DLG2: variants seen among roughly 807,000 people sequenced by gnomAD.
DLG2 encodes the protein disks large homolog 2.
DLG2 carries 45 observed loss-of-function variants against 132.5 expected under a neutral mutation model. The observed-to-expected ratio is 0.34, with a 90% CI of 0.27 to 0.44. The LOEUF is 0.44. DLG2 is among the 20% of genes least tolerant of loss of function. The pLI is 1.00. For missense variants in DLG2, 1,045 were observed against 1,196.9 expected, an observed-to-expected ratio of 0.87 and a Z score of 1.87; for synonymous variants, 424 against 419.6, an observed-to-expected ratio of 1.01 and a Z score of -0.13.
intron 21 of DLG2, among the ~76,000 whole-genome samples, chr11:83,496,984 T>C (rs201167049): frequency 6.6e-6 from 1 of 152,236 alleles, no homozygotes; most frequent in East Asian, 1.9e-4. Context: ...CCCAATGTTG[T>C]CACAGTGAAT....
intron 18 of DLG2, among the ~76,000 whole-genome samples, chr11:83,760,017 G>A (rs1034295670): frequency 1.6e-4 from 24 of 152,162 alleles, no homozygotes; most frequent in Admixed American, 9.8e-4. Context: ...AAGGCAGAGA[G>A]GACATACTAA....
At chr11:84,742,526 T>C (rs558408255) in intron 6 of DLG2, among the ~76,000 whole-genome samples, 6 of 152,226 alleles carry the variant, frequency 3.9e-5, no homozygotes, top group African/African-American at 1.2e-4. Context: ...AACAACCAAA[T>C]TGAGAGAAAG....
intron 14 of DLG2, among the ~76,000 whole-genome samples, chr11:83,945,191 G>T (rs11233833): frequency 1.3e-5 from 2 of 152,154 alleles, no homozygotes; most frequent in African/African-American, 2.4e-5. Context: ...CTTCAGAATC[G>T]CTTGAACTCG....
At chr11:84,253,192 A>G (rs1302777725) in intron 7 of DLG2, among the ~76,000 whole-genome samples, 1 of 152,120 alleles carries the variant, frequency 6.6e-6, no homozygotes, top group Non-Finnish European at 1.5e-5. Flanking sequence ...AATAAGAGGC[A>G]TGTAGAGAAG....
Position 83,567,418 on chromosome 11 carries a change from C to CATGT in DLG2, c.1941-25564_1941-25561dup, listed in dbSNP as rs547687984. ...ATTGGGAACCTGGTTTTGCCTCTAC[C>CATGT]ATGTACTCATGGGAAGATGTTGGCC... is the stretch of plus-strand genomic sequence containing the variant. On this transcript the variant is annotated intron_variant, in intron 19 of 27. Transcript: ENST00000376104. 3.0e-4 allele frequency among the ~76,000 whole-genome samples: 46 copies of CATGT among 152,198 alleles called. No individual in the cohort carries two copies. The South Asian group carries it at 8.7e-3, about 29-fold the overall frequency.
chr11:84,029,491 G>A (rs2095632474), intron 11 of DLG2, among the ~76,000 whole-genome samples: 1 of 152,116 alleles, frequency 6.6e-6, no homozygotes, highest in Non-Finnish European at 1.5e-5. Context: ...TGGGTAGGAA[G>A]GGAGTGCACT....
intron 4 of DLG2, among the ~76,000 whole-genome samples, chr11:85,179,830 A>G (rs888639417): frequency 6.6e-6 from 1 of 151,928 alleles, no homozygotes; most frequent in Non-Finnish European, 1.5e-5. Flanking sequence ...AATACTTCCT[A>G]TTCTGCAAGT....
At chr11:84,778,560 A>G (rs959428854) in intron 6 of DLG2, among the ~76,000 whole-genome samples, 3 of 152,226 alleles carry the variant, frequency 2.0e-5, no homozygotes, top group Non-Finnish European at 4.4e-5. Context: ...TGTTAACAAT[A>G]TTAATTCTTC....
At chr11:83,653,370 C>T (rs941950534) in intron 18 of DLG2, among the ~76,000 whole-genome samples, 3 of 152,152 alleles carry the variant, frequency 2.0e-5, no homozygotes, top group African/African-American at 7.2e-5. Context: ...AGCAACAATC[C>T]CTCCTCCCTG....
intron 21 of DLG2, among the ~76,000 whole-genome samples, chr11:83,503,204 A>G (rs1034635351): frequency 4.0e-5 from 6 of 151,122 alleles, no homozygotes; most frequent in African/African-American, 1.5e-4. Context: ...CTAAATATTA[A>G]ATAGACCATT....
chr11:85,472,239 G>A (rs7108539), intron 3 of DLG2, among the ~76,000 whole-genome samples: 6,119 of 152,206 alleles, frequency 0.04, 390 homozygotes, highest in African/African-American at 0.14. Flanking sequence ...GCCACATGCT[G>A]GGACTACCTG....
At chr11:84,264,140 G>A (rs1438803749) in intron 7 of DLG2, among the ~76,000 whole-genome samples, 2 of 152,150 alleles carry the variant, frequency 1.3e-5, no homozygotes, top group African/African-American at 2.4e-5. Context: ...TAGAAACATA[G>A]AGGTTCACTA....
chr11:85,284,851 T>C (rs2078457126), intron 4 of DLG2, among the ~76,000 whole-genome samples: 1 of 151,874 alleles, frequency 6.6e-6, no homozygotes, highest in South Asian at 2.1e-4. Context: ...CCCCAGGATA[T>C]GTGCCCTTCC....
intron 7 of DLG2, among the ~76,000 whole-genome samples, chr11:84,342,737 G>C (rs1452737607): frequency 6.6e-6 from 1 of 151,962 alleles, no homozygotes; most frequent in Non-Finnish European, 1.5e-5. Context: ...ACATATATAG[G>C]CAACAGGCTC....
At chr11:84,929,969 T>C (rs1198511203) in intron 6 of DLG2, among the ~76,000 whole-genome samples, 5 of 151,950 alleles carry the variant, frequency 3.3e-5, no homozygotes, top group African/African-American at 9.7e-5. Context: ...ACTTTCAGAG[T>C]GTAAAAAGCC....
intron 3 of DLG2, among the ~76,000 whole-genome samples, chr11:85,423,085 G>A (rs1166411297): frequency 6.6e-6 from 1 of 152,080 alleles, no homozygotes; most frequent in African/African-American, 2.4e-5. Flanking sequence ...TCAGAGGGAA[G>A]GTCTAGGGCT....
At chr11:85,001,765 G>T (rs2058232525) in intron 6 of DLG2, among the ~76,000 whole-genome samples, 1 of 152,142 alleles carries the variant, frequency 6.6e-6, no homozygotes, top group Non-Finnish European at 1.5e-5. Flanking sequence ...TTGACTTTGG[G>T]TGATAACGAT....
intron 3 of DLG2, among the ~76,000 whole-genome samples, chr11:85,331,004 CTATT>C (rs2081694834): frequency 6.6e-6 from 1 of 152,040 alleles, no homozygotes; most frequent in East Asian, 1.9e-4. Flanking sequence ...AAAATACAAA[CTATT>C]TATATGAGGC....
chr11:84,197,036 C>CAAAAAAAAAAAAAAAAA (rs60877284), intron 8 of DLG2, among the ~76,000 whole-genome samples: 2 of 87,936 alleles, frequency 2.3e-5, no homozygotes, highest in African/African-American at 4.4e-5. Context: ...GACTCTTTCT[C>CAAAAAAAAAAAAAAAAA]AAAAAAAAAA....
Sources: allele counts gnomAD v4.1 joint callset (sites outside exome capture counted in the v4.1 genomes callset), GRCh38; gene constraint gnomAD v4.1.1; transcripts MANE v1.5; gene names NCBI Gene and HGNC (gene_info 2026-07-23, HGNC 2026-07-21).